DECR1: variants seen among roughly 807,000 people sequenced by gnomAD.
The protein encoded by DECR1 is 2,4-dienoyl-CoA reductase [(3E)-enoyl-CoA-producing], mitochondrial.
DECR1 carries 44 observed loss-of-function variants against 38.8 expected under a neutral mutation model. The observed-to-expected ratio is 1.13, with a 90% CI of 0.89 to 1.46. DECR1 has a LOEUF of 1.46. DECR1 is among the 40% of genes most tolerant of loss of function. The pLI is 0.00. For synonymous variants in DECR1, 148 were observed against 135.2 expected, an observed-to-expected ratio of 1.09 and a Z score of -0.66; for missense variants, 428 against 405.5, an observed-to-expected ratio of 1.06 and a Z score of -0.48.
intron 5 of DECR1, among the ~76,000 whole-genome samples, chr8:90,027,909 A>G (rs1209618708): frequency 6.6e-6 from 1 of 152,098 alleles, no homozygotes; most frequent in African/African-American, 2.4e-5. Flanking sequence ...ACACCATTGC[A>G]TTCCTAGGCT....
At chr8:90,005,426 A>G in intron 1 of DECR1, 1 of 456,282 alleles carries the variant, frequency 2.2e-6, no homozygotes, top group South Asian at 1.5e-5. Context: ...GATCCCAAAT[A>G]AATAGCATCC....
In DECR1 at chr8:90,047,680, A is replaced by G. The variant is rs1030486676; in HGVS notation, c.885+2685A>G. 6.6e-5 allele frequency among the ~76,000 whole-genome samples: 10 copies of G among 152,212 alleles called. No individual in the cohort carries two copies. In the East Asian group the frequency reaches 1.9e-3, roughly 29 times the overall value. On this transcript the variant is annotated intron_variant, in intron 8 of 9. Coordinates refer to ENST00000220764, the MANE Select transcript of DECR1 (RefSeq NM_001359.2). ...AATTGAACTCAGCTCTGCACCAAGC[A>G]GACCTAATAGACATCTACAGAACTC...
intron 6 of DECR1, among the ~76,000 whole-genome samples, chr8:90,038,432 G>C (rs1445964040): frequency 6.7e-6 from 1 of 150,038 alleles, no homozygotes; most frequent in Non-Finnish European, 1.5e-5. Context: ...GTAGCAGAGA[G>C]AGAGAGCAGG....
chr8:90,042,190 C>T (rs979569970), intron 6 of DECR1, among the ~76,000 whole-genome samples: 1 of 152,048 alleles, frequency 6.6e-6, no homozygotes, highest in African/African-American at 2.4e-5. Context: ...TTTATATTTT[C>T]AATCGATGTA....
chr8:90,026,817 G>A (rs1297141861), intron 5 of DECR1, among the ~76,000 whole-genome samples: 2 of 152,006 alleles, frequency 1.3e-5, no homozygotes, highest in East Asian at 1.9e-4. Flanking sequence ...GTGATGTTGG[G>A]TGCCCATTTT....
chr8:90,007,821 G>A (rs1367295661), intron 1 of DECR1, among the ~76,000 whole-genome samples: 6 of 152,180 alleles, frequency 3.9e-5, no homozygotes, highest in African/African-American at 1.4e-4. Flanking sequence ...ATTCTAGGTA[G>A]AAAATGATCA....
At chr8:90,026,911 G>A (rs1330803887) in intron 5 of DECR1, among the ~76,000 whole-genome samples, 3 of 152,048 alleles carry the variant, frequency 2.0e-5, no homozygotes, top group Non-Finnish European at 4.4e-5. Context: ...CAGAGATTCT[G>A]GTATGTTGTG....
At chr8:90,004,509 T>A (rs1812693292) in intron 1 of DECR1, among the ~76,000 whole-genome samples, 1 of 152,210 alleles carries the variant, frequency 6.6e-6, no homozygotes, top group Non-Finnish European at 1.5e-5. Context: ...TGTATATCAT[T>A]CCAGGCATCT....
At chr8:90,046,854 G>C (rs1175170267) in intron 8 of DECR1, among the ~76,000 whole-genome samples, 1 of 152,156 alleles carries the variant, frequency 6.6e-6, no homozygotes, top group Non-Finnish European at 1.5e-5. Flanking sequence ...GAAACTACAA[G>C]TCAGAAGAAA....
intron 8 of DECR1, among the ~76,000 whole-genome samples, chr8:90,051,348 T>C (rs1236104283): frequency 2.6e-5 from 4 of 151,208 alleles, no homozygotes; most frequent in Non-Finnish European, 5.9e-5. Context: ...AGAGAGAGAT[T>C]GAGGATTACA....
rs797011748 is a variant in DECR1, at chr8:90,052,315, A to T, written c.*418A>T. 6.6e-6 allele frequency among the ~76,000 whole-genome samples: 1 copy of T among 152,138 alleles called. No individual in the cohort carries two copies. The highest frequency in any genetic ancestry group is 2.4e-5 in the African/African-American group (1 of 41,432). ...AGAGGATACACACTAAATATAATAG[A>T]CTTTGCCTTTCCAGTATACTTTCTT... On this transcript the variant is annotated 3_prime_UTR_variant, in exon 10 of 10. Coordinates refer to ENST00000220764, the MANE Select transcript of DECR1 (RefSeq NM_001359.2).
intron 1 of DECR1, chr8:90,005,191 G>T: frequency 2.6e-6 from 1 of 379,936 alleles, no homozygotes; most frequent in South Asian, 2.0e-5. Context: ...TATGGGAACA[G>T]AGAGAAGCGT....
At chr8:90,014,376 T>C (rs1480582505) in intron 1 of DECR1, among the ~76,000 whole-genome samples, 1 of 152,206 alleles carries the variant, frequency 6.6e-6, no homozygotes, top group African/African-American at 2.4e-5. Flanking sequence ...ATCTTCCTTT[T>C]AGGCAGAGAA....
Position 90,052,137 on chromosome 8 carries a change from C to A in DECR1, c.*240C>A. 1 of 461,082 alleles carries A rather than the reference C, an allele frequency of 2.2e-6. No individual in the cohort carries two copies. Among genetic ancestry groups the A allele is most frequent in the Admixed American group, 3.9e-5 (1 of 25,660 alleles). 28.6% of individuals were successfully genotyped at this position (461,082 alleles called of 1,614,324 possible). A position where few individuals can be genotyped will look rare whatever the true frequency, so the allele number is the denominator to read the frequency against. On this transcript the variant is annotated 3_prime_UTR_variant, in exon 10 of 10. Coordinates refer to ENST00000220764, the MANE Select transcript of DECR1 (RefSeq NM_001359.2). The stretch of plus-strand genomic sequence containing the variant: ...ATGGGGAGAGTAGGTAAAGGCTCCT[C>A]TTTACCTATTGATAGAGGTAAAAAG...
chr8:90,010,801 AT>A (rs1056517411), intron 1 of DECR1, among the ~76,000 whole-genome samples: 28 of 152,196 alleles, frequency 1.8e-4, no homozygotes, highest in African/African-American at 6.8e-4. Flanking sequence ...AGTGTTTAAT[AT>A]AGAGTAGTTA....
intron 1 of DECR1, among the ~76,000 whole-genome samples, chr8:90,004,983 A>C (rs752289449): frequency 6.6e-6 from 1 of 152,236 alleles, no homozygotes; most frequent in Non-Finnish European, 1.5e-5. Flanking sequence ...TATATGACCC[A>C]AACTGTACAT....
At chr8:90,028,047 C>A (rs1244679114) in intron 5 of DECR1, among the ~76,000 whole-genome samples, 1 of 152,056 alleles carries the variant, frequency 6.6e-6, no homozygotes, top group Non-Finnish European at 1.5e-5. Flanking sequence ...AGCTTCTGTG[C>A]TTGCTTAGTT....
intron 5 of DECR1, among the ~76,000 whole-genome samples, chr8:90,023,781 A>G (rs1432375572): frequency 1.3e-5 from 2 of 152,058 alleles, no homozygotes; most frequent in African/African-American, 4.8e-5. Flanking sequence ...GGTTCGTTAC[A>G]TATGTATACA....
intron 5 of DECR1, among the ~76,000 whole-genome samples, chr8:90,028,331 T>C (rs1296544409): frequency 6.6e-6 from 1 of 152,170 alleles, no homozygotes; most frequent in African/African-American, 2.4e-5. Context: ...ATGTCTATTA[T>C]TGTCTTAAAA....
Sources: allele counts gnomAD v4.1 joint callset (sites outside exome capture counted in the v4.1 genomes callset), GRCh38; gene constraint gnomAD v4.1.1; transcripts MANE v1.5; gene names NCBI Gene and HGNC (gene_info 2026-07-23, HGNC 2026-07-21).